The following BBS9 variants were observed in gnomAD, a reference collection of about 807,000 sequenced individuals.
The protein encoded by BBS9 is Bardet-Biedl syndrome 9.
In BBS9, 89 loss-of-function variants were observed where a neutral mutation model predicts 117.7. The ratio of observed to expected loss-of-function variants is 0.76; its 90% CI spans 0.64 to 0.90. The LOEUF (loss-of-function observed/expected upper bound fraction) is 0.90, where lower values mean the gene tolerates loss of function less well. Among genes scored for constraint, BBS9 ranks in the 40% least tolerant of loss-of-function variants. The pLI is 0.00. For missense variants in BBS9, 982 were observed against 1,042.2 expected (o/e 0.94, Z 0.80); for synonymous variants, 379 against 370.9 (o/e 1.02, Z -0.25).
In BBS9 at chr7:33,273,833, A is replaced by G; in HGVS notation, c.893A>G (p.Glu298Gly). Residue 298 changes from glutamate (E) to glycine (G), a missense_variant, in exon 9 of 23, where the codon GAA becomes GGA. Coordinates refer to ENST00000242067, the MANE Select transcript of BBS9 (RefSeq NM_198428.3). Reference protein sequence around the residue: ...SCFLPYCSVSEGTINTLIGNH... With the variant: ...SCFLPYCSVSGGTINTLIGNH... ...CTGTATTTTCAACTTACAGTTTCTG[A>G]AGGAACAATAAATACTTTGATTGGA... 1 of 1,609,042 alleles carries G rather than the reference A, an allele frequency of 6.2e-7. No homozygotes were observed. Among genetic ancestry groups the G allele is most frequent in the African/African-American group, 1.3e-5 (1 of 74,922 alleles).
intron 21 of BBS9, among the ~76,000 whole-genome samples, chr7:33,574,010 C>G (rs528668971): frequency 6.6e-6 from 1 of 152,118 alleles, no homozygotes; most frequent in Non-Finnish European, 1.5e-5. Context: ...TCCTCAAAGA[C>G]TGTCCACTTC....
intron 5 of BBS9, among the ~76,000 whole-genome samples, chr7:33,234,324 TC>T (rs1197014549): frequency 1.3e-5 from 2 of 152,158 alleles, no homozygotes; most frequent in Admixed American, 1.3e-4. Flanking sequence ...TATAATTTTT[TC>T]CCCCAGCTAT....
At chr7:33,410,388 A>G (rs1172006320) in intron 19 of BBS9, among the ~76,000 whole-genome samples, 1 of 152,040 alleles carries the variant, frequency 6.6e-6, no homozygotes, top group Non-Finnish European at 1.5e-5. Context: ...CTTGAAATTC[A>G]TACCTCCCTA....
chr7:33,598,049 G>T (rs1041992560), intron 21 of BBS9, among the ~76,000 whole-genome samples: 1 of 151,992 alleles, frequency 6.6e-6, no homozygotes, highest in Non-Finnish European at 1.5e-5. Flanking sequence ...CTACAGCTAG[G>T]TGCAGCTTGG....
chr7:33,335,906 A>C (rs1197509543), intron 9 of BBS9, among the ~76,000 whole-genome samples: 32 of 152,066 alleles, frequency 2.1e-4, no homozygotes, highest in Admixed American at 2.0e-3. Flanking sequence ...AGAGAGGGAA[A>C]AGGATGAGGA....
intron 19 of BBS9, among the ~76,000 whole-genome samples, chr7:33,416,365 G>C (rs1250489586): frequency 1.3e-5 from 2 of 151,300 alleles, no homozygotes; most frequent in Non-Finnish European, 2.9e-5. Flanking sequence ...GTATCATCAA[G>C]TTGGTGTTGC....
chr7:33,338,128 C>A (rs938025935), intron 10 of BBS9, among the ~76,000 whole-genome samples: 1 of 152,054 alleles, frequency 6.6e-6, no homozygotes, highest in Non-Finnish European at 1.5e-5. Context: ...GTGTAAAGTG[C>A]ATGATTTACA....
At chr7:33,624,021 A>T (rs1868817) in intron 21 of BBS9, among the ~76,000 whole-genome samples, 1 of 151,918 alleles carries the variant, frequency 6.6e-6, no homozygotes. Flanking sequence ...TACTCTTTTG[A>T]CTGTTTAATT....
Position 33,616,525 on chromosome 7 carries a change from T to C in BBS9, c.2522-18652T>C, listed in dbSNP as rs147743978. ...TATATATATATATATATAGAAAGGA[T>C]AGAGAATGGAATCATATAAAATACT... On this transcript the variant is annotated intron_variant, in intron 21 of 21. Coordinates refer to the BBS9 transcript ENST00000671952. Among the ~76,000 whole-genome samples the C allele has an allele frequency of 4.7e-3, 657 of 139,704 alleles. 2 individuals carry two copies. The highest frequency in any genetic ancestry group is 0.041 in the East Asian group (187 of 4,586). 91.7% of individuals were successfully genotyped at this position (139,704 alleles called of 152,430 possible). A position where few individuals can be genotyped will look rare whatever the true frequency, so the allele number is the denominator to read the frequency against.
chr7:33,218,417 G>A (rs969623169), intron 5 of BBS9, among the ~76,000 whole-genome samples: 7 of 152,230 alleles, frequency 4.6e-5, no homozygotes, highest in African/African-American at 1.7e-4. Flanking sequence ...GTCATTGTCA[G>A]TAATGAACTG....
At chr7:33,305,720 C>A (rs943027940) in intron 9 of BBS9, among the ~76,000 whole-genome samples, 1 of 152,024 alleles carries the variant, frequency 6.6e-6, no homozygotes, top group African/African-American at 2.4e-5. Flanking sequence ...CTCTAATTAT[C>A]CTTTTAATTT....
At position 33,439,050 on chromosome 7, in the gene BBS9, G is replaced by A. The variant is rs78212646; in HGVS notation, c.2115+50906G>A. Among the ~76,000 whole-genome samples the A allele has an allele frequency of 4.3e-3, 659 of 152,216 alleles. 11 individuals carry two copies. Among genetic ancestry groups the A allele is most frequent in the African/African-American group, 0.015 (629 of 41,514 alleles). The stretch of plus-strand genomic sequence containing the variant: ...CAAGCTTTGGGCTGATTTACAAACA[G>A]CCAAAAATGCCTGTATTCTTGGTCA... On this transcript the variant is annotated intron_variant, in intron 19 of 22. Coordinates refer to ENST00000242067, the MANE Select transcript of BBS9 (RefSeq NM_198428.3).
intron 5 of BBS9, among the ~76,000 whole-genome samples, chr7:33,216,394 G>C (rs114744144): frequency 3.3e-5 from 5 of 152,202 alleles, no homozygotes; most frequent in African/African-American, 1.2e-4. Context: ...TTTGTTTTCT[G>C]TTTGCCAAGG....
At chr7:33,324,530 T>C (rs1812435101) in intron 9 of BBS9, among the ~76,000 whole-genome samples, 1 of 152,190 alleles carries the variant, frequency 6.6e-6, no homozygotes, top group Admixed American at 6.5e-5. Flanking sequence ...CTATTCTATG[T>C]TTTTCTGTGT....
At chr7:33,403,940 A>C (rs1035667130) in intron 19 of BBS9, among the ~76,000 whole-genome samples, 4 of 152,094 alleles carry the variant, frequency 2.6e-5, no homozygotes, top group African/African-American at 9.7e-5. Context: ...CAACAGTGTA[A>C]AAGTGTTCCT....
At chr7:33,205,551 T>C (rs1010566306) in intron 5 of BBS9, among the ~76,000 whole-genome samples, 1 of 152,204 alleles carries the variant, frequency 6.6e-6, no homozygotes, top group Non-Finnish European at 1.5e-5. Flanking sequence ...ATACTTTAGC[T>C]GACTTCAGGT....
chr7:33,291,811 G>A (rs1300656775), intron 9 of BBS9, among the ~76,000 whole-genome samples: 1 of 152,136 alleles, frequency 6.6e-6, no homozygotes, highest in Non-Finnish European at 1.5e-5. Context: ...TGGAAACAAG[G>A]CCTTTGTCTT....
At chr7:33,482,427 A>T (rs984256736) in intron 19 of BBS9, among the ~76,000 whole-genome samples, 10 of 152,100 alleles carry the variant, frequency 6.6e-5, no homozygotes, top group Non-Finnish European at 1.0e-4. Context: ...AAAGTCTGTC[A>T]TGGCCTGTTT....
At chr7:33,492,294 G>A (rs1393919207) in intron 19 of BBS9, among the ~76,000 whole-genome samples, 1 of 149,412 alleles carries the variant, frequency 6.7e-6, no homozygotes, top group Non-Finnish European at 1.5e-5. Flanking sequence ...AACCTTTATT[G>A]CATGCTTCCT....
Sources: gnomAD v4.1 joint callset for allele counts (sites outside exome capture counted in the v4.1 genomes callset) on GRCh38, gnomAD v4.1.1 for gene constraint, MANE v1.5 for transcripts, NCBI Gene and HGNC (gene_info 2026-07-23, HGNC 2026-07-21) for gene names.